The following NUDC variants were observed in gnomAD, a reference collection of about 807,000 sequenced individuals.
NUDC encodes nuclear migration protein nudC.
A neutral mutation model predicts 45.0 loss-of-function variants in NUDC; 14 were observed. That is an observed-to-expected ratio of 0.31 (90% CI 0.21 to 0.49). The LOEUF is 0.49. Ranked by LOEUF, NUDC falls within the 20% of genes least tolerant of loss-of-function variation. The pLI, the probability that NUDC is intolerant of heterozygous loss-of-function variation, is 0.99. For synonymous variants in NUDC, 153 were observed against 156.7 expected (o/e 0.98, Z 0.17); for missense variants, 323 against 426.2 (o/e 0.76, Z 2.13).
At chr1:26,913,978 T>C (rs751452465) in intron 3 of NUDC, 14 of 1,428,074 alleles carry the variant, frequency 9.8e-6, no homozygotes, top group Non-Finnish European at 1.3e-5. Context: ...TCTCTGGCTC[T>C]GTGTTCTGCG....
Position 26,921,782 on chromosome 1 carries a change from C to T in NUDC, c.-67C>T. The T allele has an allele frequency of 2.0e-6, 3 of 1,504,724 alleles. No homozygotes were observed. The highest frequency in any genetic ancestry group is 1.2e-5 in the South Asian group (1 of 83,082). 93.2% of individuals were successfully genotyped at this position (1,504,724 alleles called of 1,614,324 possible). On this transcript the variant is annotated 5_prime_UTR_variant, in exon 1 of 9. Coordinates refer to ENST00000321265, the MANE Select transcript of NUDC (RefSeq NM_006600.4). The stretch of plus-strand genomic sequence containing the variant: ...ACTAGAGTCGTTGGGCCCGGCGCGA[C>T]CCGCAGGAGCGTAGAGAGCGCGGGA...
At chr1:26,920,353 G>T (rs147361311), upstream of NUDC, among the ~76,000 whole-genome samples, 2 of 152,008 alleles carry the variant, frequency 1.3e-5, no homozygotes, top group East Asian at 3.9e-4. Context: ...TTAGTTAGGC[G>T]TAGTGGTGCC....
intron 2 of NUDC, among the ~76,000 whole-genome samples, chr1:26,907,915 A>C (rs964050425): frequency 1.1e-4 from 17 of 152,226 alleles, no homozygotes; most frequent in Non-Finnish European, 8.8e-5. Flanking sequence ...GCGGTGGCTC[A>C]TGCCTGTAAT....
At chr1:26,934,873 G>T (rs1189516008) in intron 2 of NUDC, among the ~76,000 whole-genome samples, 1 of 152,062 alleles carries the variant, frequency 6.6e-6, no homozygotes, top group Non-Finnish European at 1.5e-5. Context: ...TAGCCAGGAT[G>T]GTCTCGATCT....
At chr1:26,942,602 G>A (rs2082287242) in intron 4 of NUDC, 58 bp from the exon 5 acceptor site, 2 of 1,611,866 alleles carry the variant, frequency 1.2e-6, no homozygotes, top group African/African-American at 2.7e-5. Context: ...GCCCAGTGAG[G>A]GTTCAATCTG....
intron 2 of NUDC, among the ~76,000 whole-genome samples, chr1:26,926,594 A>AT (rs1415068085): frequency 1.3e-5 from 2 of 150,244 alleles, no homozygotes; most frequent in African/African-American, 4.9e-5. Flanking sequence ...CTAGTCATTT[A>AT]TTTTTTCTTT....
chr1:26,945,760 G>A, intron 8 of NUDC, 74 bp downstream of exon 8: 1 of 1,031,396 alleles, frequency 9.7e-7, no homozygotes, highest in East Asian at 2.4e-5. Context: ...GCAGTGAGTG[G>A]ATCACTGCGC....
At chr1:26,933,790 A>G (rs574002980) in intron 2 of NUDC, among the ~76,000 whole-genome samples, 2 of 152,310 alleles carry the variant, frequency 1.3e-5, no homozygotes, top group Admixed American at 6.5e-5. Context: ...CTAATAGTAC[A>G]TGAGGATTCT....
At chr1:26,911,661 A>G in intron 3 of NUDC, 3 of 698,474 alleles carry the variant, frequency 4.3e-6, no homozygotes, top group Non-Finnish European at 7.5e-6. Flanking sequence ...CAGCTGGAAC[A>G]CTGTGTCCAA....
At chr1:26,908,039 C>T (rs375533989) in intron 2 of NUDC, among the ~76,000 whole-genome samples, 1 of 152,044 alleles carries the variant, frequency 6.6e-6, no homozygotes, top group East Asian at 1.9e-4. Flanking sequence ...ATTAGCCAGG[C>T]GTGGTGGTGG....
intron 2 of NUDC, chr1:26,929,634 A>G (rs994538525): frequency 6.5e-6 from 2 of 307,400 alleles, no homozygotes; most frequent in Non-Finnish European, 1.4e-5. Context: ...GTACGGTGGG[A>G]CTACCCTATT....
intron 1 of NUDC, among the ~76,000 whole-genome samples, chr1:26,923,689 C>G (rs2082109152): frequency 6.6e-6 from 1 of 152,084 alleles, no homozygotes; most frequent in Non-Finnish European, 1.5e-5. Flanking sequence ...CCAGGCTGGT[C>G]TTGAACTCCT....
upstream of NUDC, among the ~76,000 whole-genome samples, chr1:26,921,359 G>C (rs941361679): frequency 6.6e-6 from 1 of 152,188 alleles, no homozygotes; most frequent in Non-Finnish European, 1.5e-5. Context: ...AGGCTGTCCT[G>C]TGGTAAGTCC....
chr1:26,906,329 G>A (rs1236555847), intron 2 of NUDC, among the ~76,000 whole-genome samples: 1 of 151,886 alleles, frequency 6.6e-6, no homozygotes, highest in Non-Finnish European at 1.5e-5. Context: ...GGTGGCGCAT[G>A]CCTGTAATCC....
rs1374502931 is a variant in NUDC at position 26,941,600 on chromosome 1, G to A, written c.303G>A (p.Gly101=). 2 of 1,612,502 alleles carry A rather than the reference G, an allele frequency of 1.2e-6. No individual in the cohort carries two copies. The change falls in exon 3 of 9, where the codon GGG becomes GGA. Residue 101 remains glycine (G), a synonymous_variant. Coordinates refer to ENST00000321265, the MANE Select transcript of NUDC (RefSeq NM_006600.4). The part of the protein sequence containing the change: ...LAKEAKSETS[G]PQIKELTDEE... ...AGGAAGCCAAGTCAGAGACCTCAGG[G>A]CCCCAGATCAAGGAGCTAACTGATG...
chr1:26,907,489 A>G (rs1283344328), intron 2 of NUDC, among the ~76,000 whole-genome samples: 3 of 152,168 alleles, frequency 2.0e-5, no homozygotes, highest in Admixed American at 6.5e-5. Context: ...ACATTGAGTG[A>G]TAGAATGAAT....
chr1:26,927,970 G>T (rs1240334163), intron 2 of NUDC, among the ~76,000 whole-genome samples: 1 of 152,010 alleles, frequency 6.6e-6, no homozygotes, highest in African/African-American at 2.4e-5. Context: ...CCAAGTAGAA[G>T]AAATGAAGAC....
chr1:26,917,811 G>T (rs908010761), upstream of NUDC, among the ~76,000 whole-genome samples: 9 of 151,902 alleles, frequency 5.9e-5, no homozygotes, highest in Admixed American at 2.6e-4. Context: ...GCTTGAACCT[G>T]GGAAGCGGAA....
intron 3 of NUDC, 37 bp downstream of exon 3, chr1:26,941,697 C>T (rs2082278192): frequency 1.2e-6 from 2 of 1,613,488 alleles, no homozygotes; most frequent in Non-Finnish European, 1.7e-6. Context: ...CCCTCAGATC[C>T]CCCCTGGCAC....
Sources: allele counts gnomAD v4.1 joint callset (sites outside exome capture counted in the v4.1 genomes callset), GRCh38; gene constraint gnomAD v4.1.1; transcripts MANE v1.5; gene names NCBI Gene and HGNC (gene_info 2026-07-23, HGNC 2026-07-21).